The following PRKG1 variants were observed in gnomAD, a reference collection of about 807,000 sequenced individuals.
PRKG1 encodes the protein cGMP-dependent protein kinase 1.
A neutral mutation model predicts 88.1 loss-of-function variants in PRKG1; 35 were observed. The observed-to-expected ratio is 0.40, with a 90% CI of 0.30 to 0.53. The LOEUF is 0.53. Among genes scored for constraint, PRKG1 ranks in the 20% least tolerant of loss-of-function variants. The probability of loss-of-function intolerance (pLI) is 0.59; values close to 1 mark genes in which losing one functional copy is unlikely to be tolerated. For missense variants in PRKG1, 540 were observed against 839.8 expected, an observed-to-expected ratio of 0.64 and a Z score of 4.41; for synonymous variants, 303 against 292.5, an observed-to-expected ratio of 1.04 and a Z score of -0.37.
chr10:52,160,877 G>A (rs1034008449), intron 8 of PRKG1, among the ~76,000 whole-genome samples: 1 of 151,770 alleles, frequency 6.6e-6, no homozygotes, highest in Admixed American at 6.6e-5. Context: ...CAAAATAAAA[G>A]AATTAACTTT....
intron 3 of PRKG1, among the ~76,000 whole-genome samples, chr10:51,674,505 T>G (rs1840661908): frequency 6.6e-6 from 1 of 152,212 alleles, no homozygotes; most frequent in Admixed American, 6.5e-5. Context: ...AAATTTCTTA[T>G]GATATGAAAA....
chr10:52,013,038 G>C (rs1844935479), intron 5 of PRKG1, among the ~76,000 whole-genome samples: 1 of 152,132 alleles, frequency 6.6e-6, no homozygotes, highest in African/African-American at 2.4e-5. Context: ...GAATGTTGTA[G>C]TCTAATAAAA....
intron 3 of PRKG1, among the ~76,000 whole-genome samples, chr10:51,540,147 C>G (rs148672187): frequency 6.6e-6 from 1 of 152,228 alleles, no homozygotes; most frequent in Non-Finnish European, 1.5e-5. Flanking sequence ...ATGGTACATA[C>G]AAATTGGACA....
chr10:51,941,998 C>G (rs1008121804), intron 5 of PRKG1, among the ~76,000 whole-genome samples: 1 of 152,166 alleles, frequency 6.6e-6, no homozygotes, highest in East Asian at 1.9e-4. Context: ...AATGGTATTT[C>G]TAGTTCTGGA....
Position 51,560,021 on chromosome 10 carries a change from G to A in PRKG1, c.592+92185G>A, listed in dbSNP as rs149495486. On this transcript the variant is annotated intron_variant, in intron 3 of 17. Coordinates refer to ENST00000373980, the MANE Select transcript of PRKG1 (RefSeq NM_006258.4). Reference sequence around the variant, plus strand: ...TGCAACAGTGACGTACTTTGACTTTGTCACTACGGAAGCATTGTTAATTTA... The same window carrying A: ...TGCAACAGTGACGTACTTTGACTTTATCACTACGGAAGCATTGTTAATTTA... Among the ~76,000 whole-genome samples, 238 of 152,228 alleles carry A rather than the reference G, an allele frequency of 1.6e-3. 2 individuals are homozygous for A. The highest frequency in any genetic ancestry group is 2.6e-3 in the Non-Finnish European group (178 of 68,004).
At chr10:51,436,966 C>T (rs567328303) in intron 2 of PRKG1, among the ~76,000 whole-genome samples, 1 of 152,008 alleles carries the variant, frequency 6.6e-6, no homozygotes, top group Non-Finnish European at 1.5e-5. Flanking sequence ...GGTAGCCAGG[C>T]CTTGTCACCC....
rs1008100166 is a variant in PRKG1, at chr10:52,102,619, G to T, written c.936-31221G>T. The stretch of plus-strand genomic sequence containing the variant: ...AAAAAGAAAAAAAAATTGGTGGGAG[G>T]TAAGGGGTTTCAAGATAGGGATCTT... On this transcript the variant is annotated intron_variant, in intron 7 of 17. Transcript: ENST00000373980. Among the ~76,000 whole-genome samples the T allele has an allele frequency of 5.1e-5, 7 of 136,318 alleles. No homozygotes were observed. The South Asian group carries it at 1.2e-3, about 24-fold the overall frequency. 89.4% of individuals were successfully genotyped at this position (136,318 alleles called of 152,430 possible).
intron 2 of PRKG1, among the ~76,000 whole-genome samples, chr10:51,296,999 T>G (rs1840738380): frequency 6.6e-6 from 1 of 152,134 alleles, no homozygotes; most frequent in Non-Finnish European, 1.5e-5. Context: ...TGGGAGGATA[T>G]TCCTCTGTTT....
chr10:51,020,768 A>G (rs547431162), intron 1 of PRKG1, among the ~76,000 whole-genome samples: 1 of 152,350 alleles, frequency 6.6e-6, no homozygotes, highest in Non-Finnish European at 1.5e-5. Context: ...CACCCATAAA[A>G]GCAGTCTTCT....
At chr10:52,125,883 G>A (rs1847920520) in intron 7 of PRKG1, 1 of 152,064 alleles carries the variant, frequency 6.6e-6, no homozygotes, top group South Asian at 2.1e-4. Flanking sequence ...CACTACTCTT[G>A]CACTTTGGGA....
At chr10:51,401,549 T>C (rs1445459704) in intron 2 of PRKG1, among the ~76,000 whole-genome samples, 1 of 152,212 alleles carries the variant, frequency 6.6e-6, no homozygotes, top group East Asian at 1.9e-4. Flanking sequence ...CCTGAAAAGT[T>C]CTCTAAGCAG....
chr10:51,330,176 A>T, intron 2 of PRKG1, among the ~76,000 whole-genome samples: 1 of 138,482 alleles, frequency 7.2e-6, no homozygotes. Flanking sequence ...TTTGAGATGG[A>T]GTCTCACTCT....
chr10:51,878,111 A>G (rs1937726), intron 4 of PRKG1, among the ~76,000 whole-genome samples: 115,089 of 152,070 alleles, frequency 0.76, 44,042 homozygotes, highest in African/African-American at 0.87. Context: ...TACCAAGTAT[A>G]TATTAGACAT....
At chr10:52,245,213 C>T (rs540790343) in intron 9 of PRKG1, among the ~76,000 whole-genome samples, 5 of 151,768 alleles carry the variant, frequency 3.3e-5, no homozygotes, top group South Asian at 4.1e-4. Context: ...GTTCTTACTC[C>T]TTTTTCAAAC....
rs546510360 is a variant in PRKG1 at position 51,902,193 on chromosome 10, C to T, written c.699-5314C>T. On this transcript the variant is annotated intron_variant, in intron 4 of 17. Coordinates refer to ENST00000373980, the MANE Select transcript of PRKG1 (RefSeq NM_006258.4). ...GTACAGTGGTGTGATCTCAGCTCAC[C>T]GCAACTTCTGCCTCCCGGGTTCAAG... 1.1e-4 allele frequency among the ~76,000 whole-genome samples: 17 copies of T among 152,054 alleles called. No homozygotes were observed. The South Asian group carries it at 1.9e-3, about 17-fold the overall frequency.
chr10:51,392,788 G>A (rs1182554272), intron 2 of PRKG1, among the ~76,000 whole-genome samples: 16 of 143,042 alleles, frequency 1.1e-4, no homozygotes, highest in African/African-American at 1.5e-4. Flanking sequence ...CCTCCCGGAC[G>A]GGGCGGCTGG....
chr10:51,947,294 G>T (rs998158005), intron 5 of PRKG1, among the ~76,000 whole-genome samples: 15 of 152,124 alleles, frequency 9.9e-5, no homozygotes, highest in South Asian at 2.1e-4. Context: ...CTCCTGGTGC[G>T]CCGTTTTTTA....
At chr10:51,328,464 T>C (rs1407568018) in intron 2 of PRKG1, among the ~76,000 whole-genome samples, 2 of 152,232 alleles carry the variant, frequency 1.3e-5, no homozygotes, top group African/African-American at 4.8e-5. Context: ...CTCTTCAATA[T>C]ACTAATTTTA....
chr10:51,166,525 A>G (rs1231798749), intron 2 of PRKG1, among the ~76,000 whole-genome samples: 1 of 152,218 alleles, frequency 6.6e-6, no homozygotes, highest in Non-Finnish European at 1.5e-5. Context: ...GTCTTTAAAG[A>G]AACCACAATG....
Sources: gnomAD v4.1 joint callset for allele counts (sites outside exome capture counted in the v4.1 genomes callset) on GRCh38, gnomAD v4.1.1 for gene constraint, MANE v1.5 for transcripts, NCBI Gene and HGNC (gene_info 2026-07-23, HGNC 2026-07-21) for gene names.